Variants in IPO7 observed in about 807,000 individuals in gnomAD.
IPO7 encodes importin-7.
In IPO7, 13 loss-of-function variants were observed where a neutral mutation model predicts 136.4. The ratio of observed to expected loss-of-function variants is 0.10; its 90% confidence interval spans 0.06 to 0.15. IPO7 has a LOEUF of 0.15. Among genes scored for constraint, IPO7 ranks in the 10% least tolerant of loss-of-function variants. The probability of loss-of-function intolerance (pLI) is 1.00; values close to 1 mark genes in which losing one functional copy is unlikely to be tolerated. For synonymous variants in IPO7, 403 were observed against 404.4 expected (o/e 1.00, Z 0.04); for missense variants, 857 against 1,240.6 (o/e 0.69, Z 4.65).
rs964660166 is a variant in IPO7 at position 9,447,501 on chromosome 11, C to T, written c.*2307C>T. ...ATTTGGTATAGATCAAGAATCTTAACATGTATCAGTTTCTAGATGAGGCTG... is the reference window on the plus strand; with the variant it reads ...ATTTGGTATAGATCAAGAATCTTAATATGTATCAGTTTCTAGATGAGGCTG... On this transcript the variant is annotated 3_prime_UTR_variant, in exon 25 of 25. Transcript: ENST00000379719. 5 of 152,098 alleles carry T rather than the reference C, an allele frequency of 3.3e-5. No individual in the cohort carries two copies. Among genetic ancestry groups the T allele is most frequent in the African/African-American group, 4.8e-5 (2 of 41,424 alleles). The allele number at this position is 152,098 out of a possible 1,614,324, so 9.4% of individuals were successfully genotyped here.
At chr11:9,438,048 T>TTTG (rs1565004411) in intron 21 of IPO7, 32 bp from the exon 22 acceptor site, 1 of 305,912 alleles carries the variant, frequency 3.3e-6, no homozygotes, top group Non-Finnish European at 4.6e-6. Context: ...GAAAACAGTT[T>TTTG]TTTTTTTTTT....
Position 9,397,341 on chromosome 11 carries a change from A to AAAAAAAAAAAATATATATATATAT in IPO7, c.85-5948_85-5947insAAAAAAAAAATATATATATATATA. Among the ~76,000 whole-genome samples the AAAAAAAAAAAATATATATATATAT allele has an allele frequency of 1.8e-3, 19 of 10,756 alleles. No individual in the cohort carries two copies. The South Asian group carries it at 0.02, about 11-fold the overall frequency. 7.1% of individuals were successfully genotyped at this position (10,756 alleles called of 152,430 possible). On this transcript the variant is annotated intron_variant, in intron 1 of 24. Coordinates refer to ENST00000379719, the MANE Select transcript of IPO7 (RefSeq NM_006391.3). Reference sequence around the variant, plus strand: ...CTTTACTAAAAATAATTTAAAAAAAAATATATATATATATATATATATATT... The same window carrying AAAAAAAAAAAATATATATATATAT: ...CTTTACTAAAAATAATTTAAAAAAAAAAAAAAAAAAATATATATATATATATATATATATATATATATATATATT...
At chr11:9,386,729 G>T (rs1481181995) in intron 1 of IPO7, among the ~76,000 whole-genome samples, 3 of 152,072 alleles carry the variant, frequency 2.0e-5, no homozygotes, top group African/African-American at 7.2e-5. Context: ...TCACAAGCTA[G>T]TTTTTGGAAG....
At chr11:9,428,985 A>G (rs1002585014) in intron 13 of IPO7, 46 bp from the exon 14 acceptor site, 5 of 1,527,654 alleles carry the variant, frequency 3.3e-6, no homozygotes, top group African/African-American at 1.4e-5. Context: ...GCTTGGGGGA[A>G]TTTAAGGTAA....
At chr11:9,435,103 T>A in intron 19 of IPO7, 72 bp downstream of exon 19, 1 of 885,816 alleles carries the variant, frequency 1.1e-6, no homozygotes, top group Non-Finnish European at 1.9e-6. Flanking sequence ...AAAACTCATG[T>A]GATACCACAT....
Position 9,443,894 on chromosome 11 carries a change from C to T in IPO7, c.3020-1203C>T, listed in dbSNP as rs141141391. Among the ~76,000 whole-genome samples the T allele has an allele frequency of 1.6e-3, 234 of 147,388 alleles. 1 individual carries two copies. Among genetic ancestry groups the T allele is most frequent in the African/African-American group, 5.6e-3 (225 of 39,976 alleles). ...TAGCCTGGGTGCCAGAGTGAGACCC[C>T]GTCTCCAAAAATGTAAAAACTTACG... On this transcript the variant is annotated intron_variant, in intron 24 of 24. Transcript: ENST00000379719.
At chr11:9,409,703 G>A (rs1854941915) in intron 3 of IPO7, among the ~76,000 whole-genome samples, 1 of 152,152 alleles carries the variant, frequency 6.6e-6, no homozygotes, top group Non-Finnish European at 1.5e-5. Context: ...AATGAAACTT[G>A]TTTATTGATG....
rs1855253844 is a variant in IPO7, at chr11:9,428,986, T to C, written c.1426-45T>C. 3.9e-6 allele frequency: 6 copies of C among 1,550,212 alleles called. No individual in the cohort carries two copies. The Admixed American group carries it at 8.3e-5, about 22-fold the overall frequency. ...GGGAATAGAGATTAGCTTGGGGGAA[T>C]TTAAGGTAAGGTATCTACAGTAACT... On this transcript the variant is annotated intron_variant, in intron 13 of 24. Transcript: ENST00000379719.
At chr11:9,431,264 C>CA (rs1417418261) in intron 16 of IPO7, among the ~76,000 whole-genome samples, 1 of 151,994 alleles carries the variant, frequency 6.6e-6, no homozygotes, top group Non-Finnish European at 1.5e-5. Flanking sequence ...CCCAGAAAAA[C>CA]AAAAATATTT....
At chr11:9,444,584 A>G (rs971035825) in intron 24 of IPO7, among the ~76,000 whole-genome samples, 6 of 151,708 alleles carry the variant, frequency 4.0e-5, no homozygotes, top group Admixed American at 6.6e-5. Context: ...GCTGGTCTCA[A>G]AAACTCCTGA....
chr11:9,430,664 G>A (rs190421275), intron 15 of IPO7: 10 of 504,164 alleles, frequency 2.0e-5, no homozygotes, highest in South Asian at 1.1e-4. Context: ...ATGCAGAAAA[G>A]GTCAAGAGAA....
chr11:9,411,845 A>T (rs971762046), intron 4 of IPO7, among the ~76,000 whole-genome samples: 1 of 152,210 alleles, frequency 6.6e-6, no homozygotes, highest in Non-Finnish European at 1.5e-5. Flanking sequence ...ATTAACAACT[A>T]GTACCACTCA....
intron 1 of IPO7, among the ~76,000 whole-genome samples, chr11:9,391,863 A>G (rs1482511378): frequency 2.6e-5 from 4 of 152,090 alleles, no homozygotes; most frequent in African/African-American, 9.6e-5. Context: ...CTCTCCTGGG[A>G]TTAAGCTATC....
chr11:9,434,051 G>A (rs572006548), intron 18 of IPO7, among the ~76,000 whole-genome samples: 1 of 151,690 alleles, frequency 6.6e-6, no homozygotes, highest in Non-Finnish European at 1.5e-5. Flanking sequence ...AGCCTCCCAA[G>A]TAGCTGGGAT....
intron 24 of IPO7, among the ~76,000 whole-genome samples, chr11:9,444,320 A>G (rs1855498586): frequency 6.6e-6 from 1 of 151,514 alleles, no homozygotes; most frequent in South Asian, 2.1e-4. Flanking sequence ...GTTATACACC[A>G]TTGTTAATGC....
chr11:9,410,734 T>C (rs1399133664), intron 4 of IPO7, among the ~76,000 whole-genome samples: 2 of 151,988 alleles, frequency 1.3e-5, no homozygotes. Context: ...GCACTGAGAG[T>C]GGTAAGCCAC....
chr11:9,386,156 A>C lies in IPO7; in HGVS notation c.84+1309A>C, dbSNP rs1422158057. Reference sequence around the variant, plus strand: ...GCCCTCACGGAACTTACAGTTCAAGAAGACTACCTACAGAGTTTACACAAA... The same window carrying C: ...GCCCTCACGGAACTTACAGTTCAAGCAGACTACCTACAGAGTTTACACAAA... On this transcript the variant is annotated intron_variant, in intron 1 of 24. Coordinates refer to ENST00000379719, the MANE Select transcript of IPO7 (RefSeq NM_006391.3). Among the ~76,000 whole-genome samples the C allele has an allele frequency of 2.0e-5, 3 of 152,244 alleles. 1 individual carries two copies. The highest frequency in any genetic ancestry group is 7.2e-5 in the African/African-American group (3 of 41,466).
intron 1 of IPO7, among the ~76,000 whole-genome samples, chr11:9,399,266 G>A (rs944156795): frequency 1.7e-4 from 26 of 151,430 alleles, no homozygotes; most frequent in Non-Finnish European, 2.9e-5. Flanking sequence ...GGGTTCAAGC[G>A]ATTCTCCTGC....
In IPO7 at chr11:9,434,986, G is replaced by A. The variant is rs779580907; in HGVS notation, c.2127G>A (p.Leu709=). ...NYVTVDTDTL[L]SDTKYLEMIY... ...TAACAGTTGATACAGACACACTTCT[G>A]TCTGACACCAAGTATCTTGAAATGA... Residue 709 remains leucine, a synonymous_variant, in exon 19 of 25, where the codon CTG becomes CTA. Transcript: ENST00000379719. The A allele has an allele frequency of 3.7e-6, 6 of 1,608,924 alleles. No homozygotes were observed. The East Asian group carries it at 1.1e-4, about 30-fold the overall frequency.
Sources: gnomAD v4.1 joint callset for allele counts (sites outside exome capture counted in the v4.1 genomes callset) on GRCh38, gnomAD v4.1.1 for gene constraint, MANE v1.5 for transcripts, NCBI Gene and HGNC (gene_info 2026-07-23, HGNC 2026-07-21) for gene names.